Variants in COCH observed in about 807,000 individuals in gnomAD.
COCH encodes the protein cochlin.
A neutral mutation model predicts 54.8 loss-of-function variants in COCH; 40 were observed. That is an observed-to-expected ratio of 0.73 (90% CI 0.57 to 0.95). The LOEUF (loss-of-function observed/expected upper bound fraction) is 0.95. Among genes scored for constraint, COCH ranks in the 40% least tolerant of loss-of-function variants. The pLI is 0.00. For synonymous variants in COCH, 256 were observed against 237.9 expected (o/e 1.08, Z -0.70); for missense variants, 605 against 675.0 (o/e 0.90, Z 1.15).
chr14:30,875,657 A>G, intron 3 of COCH: 1 of 231,728 alleles, frequency 4.3e-6, no homozygotes, highest in African/African-American at 2.3e-5. Flanking sequence ...AAAAGTTTGT[A>G]CCACGTGTAG....
intron 3 of COCH, chr14:30,875,418 C>A: frequency 1.7e-6 from 1 of 596,250 alleles, no homozygotes; most frequent in Non-Finnish European, 3.0e-6. Flanking sequence ...AGCAGGAGGT[C>A]GAGGAAGGAG....
rs1244735497 is a variant in COCH, at chr14:30,889,383, CCTGTTAA to C, written c.1478-232_1478-226del. On this transcript the variant is annotated intron_variant, in intron 11 of 11. Coordinates refer to ENST00000396618, the MANE Select transcript of COCH (RefSeq NM_004086.3). ...ATTATTTCTTATCAGTGATGACTTA[CCTGTTAA>C]TGTGGCGAATTACAGATATAGCAGA... The C allele has an allele frequency of 6.7e-5, 35 of 520,232 alleles. No individual in the cohort carries two copies. In the East Asian group the frequency reaches 1.1e-3, roughly 16 times the overall value. 32.2% of individuals were successfully genotyped at this position (520,232 alleles called of 1,614,324 possible). A position where few individuals can be genotyped will look rare whatever the true frequency, so the allele number is the denominator to read the frequency against.
At chr14:30,889,189 C>G in intron 11 of COCH, 1 of 169,168 alleles carries the variant, frequency 5.9e-6, no homozygotes, top group Non-Finnish European at 1.3e-5. Context: ...TGGATTGTGA[C>G]TCTGACTCCA....
At chr14:30,882,494 C>T (rs939583350) in intron 8 of COCH, among the ~76,000 whole-genome samples, 3 of 151,476 alleles carry the variant, frequency 2.0e-5, no homozygotes, top group East Asian at 2.0e-4. Context: ...ATTAAAAATG[C>T]CCTGCATCCT....
At chr14:30,880,773 T>C in intron 8 of COCH, 39 bp downstream of exon 8, 1 of 1,474,082 alleles carries the variant, frequency 6.8e-7, no homozygotes, top group Admixed American at 1.7e-5. Flanking sequence ...AAAAAAAAAA[T>C]TATTTTGTAA....
chr14:30,885,441 G>C lies in COCH; in HGVS notation c.781G>C (p.Gly261Arg). The change falls in exon 10 of 12, where the codon GGA becomes CGA. Residue 261 changes from glycine to arginine, a missense_variant. Physicochemically the swap from Gly to Arg is moderately radical, Grantham distance 125. Transcript: ENST00000396618. ...TAQKFFTVDA[G>R]VRKGIPKVVV... ...TCAGAAATTCTTCACGGTAGATGCT[G>C]GAGTAAGAAAAGGGATCCCCAAAGT... 1 of 1,614,162 alleles carries C rather than the reference G, an allele frequency of 6.2e-7. No individual in the cohort carries two copies. The highest frequency in any genetic ancestry group is 8.5e-7 in the Non-Finnish European group (1 of 1,179,992).
chr14:30,884,893 T>C (rs1267632232), intron 9 of COCH: 1 of 1,582,056 alleles, frequency 6.3e-7, no homozygotes, highest in Non-Finnish European at 8.5e-7. Context: ...AGAATTCTCA[T>C]ACATTGGATT....
chr14:30,880,226 T>C (rs1156261535), intron 6 of COCH, among the ~76,000 whole-genome samples: 1 of 152,178 alleles, frequency 6.6e-6, no homozygotes, highest in Non-Finnish European at 1.5e-5. Context: ...GGGTTTGGGG[T>C]ATTAAAGTCC....
downstream of COCH, chr14:30,894,831 G>C: frequency 4.4e-6 from 2 of 451,976 alleles, no homozygotes; most frequent in Non-Finnish European, 3.3e-6. Flanking sequence ...ATAAAAACTA[G>C]AATTTTATCC....
intron 8 of COCH, 120 bp from the exon 9 acceptor site, chr14:30,884,433 A>G (rs1895712701): frequency 1.5e-5 from 11 of 710,068 alleles, no homozygotes; most frequent in Middle Eastern, 3.5e-4. Context: ...ACTATGTACT[A>G]TGGAATTAAG....
Position 30,890,076 on chromosome 14 carries a change from C to G in COCH, c.*285C>G, listed in dbSNP as rs369400127. ...AAAACCTTAAGAGTTCTAACCATGC[C>G]TACTAAATGTACAGATATGCAAATT... is the stretch of plus-strand genomic sequence containing the variant. On this transcript the variant is annotated 3_prime_UTR_variant, in exon 12 of 12. Coordinates refer to ENST00000396618, the MANE Select transcript of COCH (RefSeq NM_004086.3). 4.9e-5 allele frequency: 54 copies of G among 1,095,172 alleles called. No homozygotes were observed. In the East Asian group the frequency reaches 8.2e-4, roughly 17 times the overall value. 67.8% of individuals were successfully genotyped at this position (1,095,172 alleles called of 1,614,324 possible). A position where few individuals can be genotyped will look rare whatever the true frequency, so the allele number is the denominator to read the frequency against.
Position 30,877,941 on chromosome 14 carries a change from C to G in COCH, c.239+213C>G, listed in dbSNP as rs937735024. On this transcript the variant is annotated intron_variant, in intron 4 of 11. Coordinates refer to ENST00000396618, the MANE Select transcript of COCH (RefSeq NM_004086.3). This position sits in a 1 kb window ranked among gnomAD's most constrained non-coding sequence, Gnocchi z 8.6. Reference sequence around the variant, plus strand: ...TGACAAAAGGCAAATAGCATTACCTCTTGATGGCTAGATTGCTATGATTCC... The same window carrying G: ...TGACAAAAGGCAAATAGCATTACCTGTTGATGGCTAGATTGCTATGATTCC... 6.6e-6 allele frequency among the ~76,000 whole-genome samples: 1 copy of G among 152,210 alleles called. No homozygotes were observed. The highest frequency in any genetic ancestry group is 2.4e-5 in the African/African-American group (1 of 41,456).
intron 3 of COCH, chr14:30,875,625 AC>A: frequency 3.4e-6 from 1 of 292,794 alleles, no homozygotes. Flanking sequence ...TCGCGGTCTC[AC>A]TCTACACGCT....
chr14:30,879,018 C>A (rs2138844883), intron 5 of COCH, 74 bp downstream of exon 5: 1 of 1,567,654 alleles, frequency 6.4e-7, no homozygotes, highest in Admixed American at 1.7e-5. Context: ...TTTAGCTCAG[C>A]CTCTTTAACC....
intron 3 of COCH, 81 bp downstream of exon 3, chr14:30,875,184 C>T: frequency 6.5e-7 from 1 of 1,528,384 alleles, no homozygotes; most frequent in Non-Finnish European, 8.8e-7. Flanking sequence ...AGATCCAGCC[C>T]CTTGGGCTTC....
chr14:30,888,464 A>G (rs989749928), intron 11 of COCH, among the ~76,000 whole-genome samples: 1 of 152,106 alleles, frequency 6.6e-6, no homozygotes, highest in Admixed American at 6.5e-5. Flanking sequence ...CCAGCATTAG[A>G]TAGATGGTAC....
chr14:30,875,326 G>C (rs978391083), intron 3 of COCH: 4 of 647,462 alleles, frequency 6.2e-6, no homozygotes, highest in Middle Eastern at 4.2e-4. Context: ...TCCAGTGGGG[G>C]GACGTTCTCC....
chr14:30,893,846 T>C (rs1329329130), downstream of COCH: 2 of 152,616 alleles, frequency 1.3e-5, no homozygotes, highest in African/African-American at 4.8e-5. Flanking sequence ...TATTGCACTT[T>C]ATTATTCAAC....
downstream of COCH, among the ~76,000 whole-genome samples, chr14:30,892,507 TA>T (rs1054516792): frequency 5.9e-5 from 9 of 151,958 alleles, no homozygotes; most frequent in East Asian, 1.9e-4. Context: ...AAATGGTATT[TA>T]AAAAAAACTT....
Sources: gnomAD v4.1 joint callset for allele counts (sites outside exome capture counted in the v4.1 genomes callset) on GRCh38, gnomAD v4.1.1 for gene constraint, Gnocchi (gnomAD v3.1) non-coding constraint, MANE v1.5 for transcripts, NCBI Gene and HGNC (gene_info 2026-07-23, HGNC 2026-07-21) for gene names.